DYNC2LI1: variants seen among roughly 807,000 people sequenced by gnomAD.
The protein encoded by DYNC2LI1 is cytoplasmic dynein 2 light intermediate chain 1.
In DYNC2LI1, 45 loss-of-function variants were observed where a neutral mutation model predicts 51.9. That is an observed-to-expected ratio of 0.87 (90% confidence interval 0.68 to 1.11). The LOEUF (loss-of-function observed/expected upper bound fraction) is 1.11, where lower values mean the gene tolerates loss of function less well. DYNC2LI1 is among the 50% of genes most tolerant of loss of function. The pLI, the probability that DYNC2LI1 is intolerant of heterozygous loss-of-function variation, is 0.00. For missense variants in DYNC2LI1, 490 were observed against 417.4 expected (o/e 1.17, Z -1.51); for synonymous variants, 130 against 137.8 (o/e 0.94, Z 0.40).
At chr2:43,813,381 G>C, downstream of DYNC2LI1, 1 of 1,113,412 alleles carries the variant, frequency 9.0e-7, no homozygotes, top group Non-Finnish European at 1.3e-6. Context: ...TATTTACCAA[G>C]CGCTTGCTAA....
At chr2:43,816,939 A>G in the DYNC2LI1 span, among the ~76,000 whole-genome samples, 2 of 152,240 alleles carry the variant, frequency 1.3e-5, no homozygotes, top group Non-Finnish European at 2.9e-5. Flanking sequence ...CAGAAAACAC[A>G]GCAAAGCTAA....
In DYNC2LI1 at chr2:43,794,279, T is replaced by C; in HGVS notation, c.321-178T>C. On this transcript the variant is annotated intron_variant, in intron 5 of 12. Transcript: ENST00000260605. ...ACTTAAATATTACTAGAGGAAAGTATTGGAATAAATAAGGCTATGACTTTG... is the reference window on the plus strand; with the variant it reads ...ACTTAAATATTACTAGAGGAAAGTACTGGAATAAATAAGGCTATGACTTTG... 6.9e-6 allele frequency: 4 copies of C among 580,600 alleles called. No individual in the cohort carries two copies. The South Asian group carries it at 7.9e-5, about 11-fold the overall frequency. The allele number at this position is 580,600 out of a possible 1,614,324, so 36.0% of individuals were successfully genotyped here. A position where few individuals can be genotyped will look rare whatever the true frequency, so the allele number is the denominator to read the frequency against.
At chr2:43,826,150 TTTTC>T in the DYNC2LI1 span, among the ~76,000 whole-genome samples, 6 of 151,684 alleles carry the variant, frequency 4.0e-5, no homozygotes, top group South Asian at 2.1e-4. Flanking sequence ...TAATTTTTCT[TTTTC>T]TTTCTTTCTT....
chr2:43,812,396 G>A (rs888659793), downstream of DYNC2LI1: 1 of 145,150 alleles, frequency 6.9e-6, no homozygotes, highest in Admixed American at 7.2e-5. Context: ...GTGCCTATAA[G>A]TAAACTCAGC....
At chr2:43,822,477 GGC>G in the DYNC2LI1 span, 344 of 349,874 alleles carry the variant, frequency 9.8e-4, 23 homozygotes, top group South Asian at 1.8e-3. Context: ...CCCTCCCCCA[GGC>G]CCCCCCCCAT....
chr2:43,813,711 T>G (rs1405745894), downstream of DYNC2LI1, among the ~76,000 whole-genome samples: 8 of 83,324 alleles, frequency 9.6e-5, no homozygotes, highest in East Asian at 2.6e-4. Flanking sequence ...TTTTTTTCGT[T>G]TTTTTTTTTT....
rs758140847 is a variant in DYNC2LI1 at position 43,774,128 on chromosome 2, G to A, written c.-11G>A. On this transcript the variant is annotated 5_prime_UTR_variant, in exon 1 of 13. Coordinates refer to ENST00000260605, the MANE Select transcript of DYNC2LI1 (RefSeq NM_016008.4). ...GAGCCTGTGACGTTTGCGGCAGCCA[G>A]GCCGTCGACGATGCCCAGGTATTCC... The A allele has an allele frequency of 4.5e-5, 73 of 1,613,838 alleles. No homozygotes were observed. The highest frequency in any genetic ancestry group is 5.8e-5 in the Non-Finnish European group (68 of 1,179,968).
At chr2:43,792,545 G>C (rs1416131357) in intron 5 of DYNC2LI1, 8 of 844,112 alleles carry the variant, frequency 9.5e-6, no homozygotes, top group Non-Finnish European at 1.3e-5. Flanking sequence ...TAAAATTTTA[G>C]TCATTTTTAA....
At chr2:43,790,076 C>A (rs778863331) in intron 5 of DYNC2LI1, among the ~76,000 whole-genome samples, 1 of 152,146 alleles carries the variant, frequency 6.6e-6, no homozygotes, top group African/African-American at 2.4e-5. Context: ...TGAGTTAATT[C>A]GGCTCTGAGT....
At chr2:43,804,790 G>T (rs1666188557) in intron 11 of DYNC2LI1, 51 bp downstream of exon 11, 1 of 1,166,658 alleles carries the variant, frequency 8.6e-7, no homozygotes, top group Non-Finnish European at 1.2e-6. Context: ...CTGTCTAACA[G>T]TTATAGGAAA....
chr2:43,776,581 A>G lies in DYNC2LI1; in HGVS notation c.9-201A>G, dbSNP rs191522152. Among the ~76,000 whole-genome samples the G allele has an allele frequency of 6.0e-4, 91 of 152,366 alleles. No homozygotes were observed. In the East Asian group the frequency reaches 0.01, roughly 17 times the overall value. On this transcript the variant is annotated intron_variant, in intron 1 of 12. Transcript: ENST00000260605. Reference sequence around the variant, plus strand: ...CTGCTTATCAATTTCAGTATTCTTCAGAGAACTAGTTCAAAGCAACAAAAG... The same window carrying G: ...CTGCTTATCAATTTCAGTATTCTTCGGAGAACTAGTTCAAAGCAACAAAAG...
Position 43,794,447 on chromosome 2 carries a change from A to G in DYNC2LI1, c.321-10A>G. ...TGAGTCTTTTTTGAAAAGTGTTTTT[A>G]TTTCTTTAGGACGTTTTCTCTTGTT... On this transcript the variant is annotated splice_polypyrimidine_tract_variant and intron_variant, in intron 5 of 12. Coordinates refer to ENST00000260605, the MANE Select transcript of DYNC2LI1 (RefSeq NM_016008.4). The G allele has an allele frequency of 6.3e-7, 1 of 1,588,096 alleles. No individual in the cohort carries two copies. Among genetic ancestry groups the G allele is most frequent in the Non-Finnish European group, 8.6e-7 (1 of 1,168,688 alleles).
chr2:43,824,960 G>T, the DYNC2LI1 span: 2 of 1,614,002 alleles, frequency 1.2e-6, no homozygotes, highest in Non-Finnish European at 1.7e-6. Context: ...AAGCATTTCC[G>T]CTGGCGTGCC....
At chr2:43,824,759 C>G in the DYNC2LI1 span, 31 of 1,475,634 alleles carry the variant, frequency 2.1e-5, no homozygotes, top group African/African-American at 2.8e-4. Flanking sequence ...CAAATTGATT[C>G]CTTGAAGAGT....
At chr2:43,811,498 C>A (rs924370458), downstream of DYNC2LI1, among the ~76,000 whole-genome samples, 2 of 152,144 alleles carry the variant, frequency 1.3e-5, no homozygotes, top group African/African-American at 4.8e-5. Context: ...ATATTCTCAC[C>A]CAAAGTTACC....
chr2:43,801,001 C>A, intron 9 of DYNC2LI1, 84 bp downstream of exon 9: 1 of 764,292 alleles, frequency 1.3e-6, no homozygotes, highest in Non-Finnish European at 1.9e-6. Context: ...TCTACTCAGT[C>A]TCTTGTGTCT....
At chr2:43,824,581 C>T in the DYNC2LI1 span, 1 of 1,540,024 alleles carries the variant, frequency 6.5e-7, no homozygotes, top group Non-Finnish European at 8.7e-7. Flanking sequence ...AATCAGAATA[C>T]TTTAAAGCAT....
intron 1 of DYNC2LI1, among the ~76,000 whole-genome samples, chr2:43,775,413 T>G (rs1396016457): frequency 2.6e-5 from 4 of 152,076 alleles, no homozygotes; most frequent in Non-Finnish European, 4.4e-5. Flanking sequence ...TCGTGTAAAG[T>G]TATATATCTG....
At chr2:43,809,031 C>G (rs1246202622) in intron 12 of DYNC2LI1, among the ~76,000 whole-genome samples, 1 of 152,032 alleles carries the variant, frequency 6.6e-6, no homozygotes, top group East Asian at 1.9e-4. Flanking sequence ...CTCTGTCACC[C>G]AGGCTGGAGT....
Sources: allele counts gnomAD v4.1 joint callset (sites outside exome capture counted in the v4.1 genomes callset), GRCh38; gene constraint gnomAD v4.1.1; transcripts MANE v1.5; gene names NCBI Gene and HGNC (gene_info 2026-07-23, HGNC 2026-07-21).